The following INTS6 variants were observed in gnomAD, a reference collection of about 807,000 sequenced individuals.
The protein encoded by INTS6 is integrator complex subunit 6, also known as DEAD box protein.
A neutral mutation model predicts 104.9 loss-of-function variants in INTS6; 16 were observed. The ratio of observed to expected loss-of-function variants is 0.15; its 90% confidence interval spans 0.10 to 0.23. INTS6 has a LOEUF of 0.23. Among genes scored for constraint, INTS6 ranks in the 10% least tolerant of loss-of-function variants. The pLI, the probability that INTS6 is intolerant of heterozygous loss-of-function variation, is 1.00. For synonymous variants in INTS6, 324 were observed against 358.7 expected, an observed-to-expected ratio of 0.90 and a Z score of 1.09; for missense variants, 584 against 1,062.8, an observed-to-expected ratio of 0.55 and a Z score of 6.26.
intron 4 of INTS6, among the ~76,000 whole-genome samples, chr13:51,410,795 A>G (rs1270818864): frequency 3.9e-5 from 6 of 152,230 alleles, no homozygotes; most frequent in African/African-American, 1.2e-4. Flanking sequence ...CTAATAAAGA[A>G]CTTGTATCCT....
rs781616724 is a variant in INTS6 at position 51,364,222 on chromosome 13, C to A, written c.*1530G>T. ...TGAAAATACTATATAATATTAAATT[C>A]TTCTTTTTCTTGACAGGGTTTGTCT... On this transcript the variant is annotated 3_prime_UTR_variant, in exon 18 of 18. Coordinates refer to ENST00000311234, the MANE Select transcript of INTS6 (RefSeq NM_012141.3). 4 of 1,349,042 alleles carry A rather than the reference C, an allele frequency of 3.0e-6. No homozygotes were observed. Among genetic ancestry groups the A allele is most frequent in the Non-Finnish European group, 4.0e-6 (4 of 993,502 alleles). The allele number at this position is 1,349,042 out of a possible 1,614,324, so 83.6% of individuals were successfully genotyped here.
rs1340603109 is a variant in INTS6 at position 51,387,413 on chromosome 13, A to G, written c.867T>C (p.Phe289=). Reference sequence around the variant, plus strand: ...GTGTTGGCGAATTTTGATCTGGCCAAAAAGACTCTGGAACAGGCCAATGAC... The same window carrying G: ...GTGTTGGCGAATTTTGATCTGGCCAGAAAGACTCTGGAACAGGCCAATGAC... ...PIGHWPVPES[F]WPDQNSPTLP... The change falls in exon 7 of 18, where the codon TTT becomes TTC. Residue 289 remains phenylalanine, a synonymous_variant. Transcript: ENST00000311234. The G allele has an allele frequency of 1.9e-6, 3 of 1,612,644 alleles. No homozygotes were observed. Among genetic ancestry groups the G allele is most frequent in the Admixed American group, 1.7e-5 (1 of 59,936 alleles).
At chr13:51,416,310 C>CA (rs1956785593) in intron 4 of INTS6, among the ~76,000 whole-genome samples, 2 of 152,184 alleles carry the variant, frequency 1.3e-5, no homozygotes, top group Non-Finnish European at 1.5e-5. Context: ...ACCAGGAAGT[C>CA]AGAGTTGTAC....
chr13:51,346,306 C>T, the INTS6 span, among the ~76,000 whole-genome samples: 3 of 152,124 alleles, frequency 2.0e-5, no homozygotes, highest in Non-Finnish European at 4.4e-5. Flanking sequence ...AGATTCAGCT[C>T]AGCAGCGGGG....
chr13:51,349,757 G>C (rs931359727), downstream of INTS6, among the ~76,000 whole-genome samples: 2 of 152,170 alleles, frequency 1.3e-5, no homozygotes, highest in African/African-American at 2.4e-5. Context: ...AGGCAGGGAA[G>C]GCAAGGCAAG....
downstream of INTS6, among the ~76,000 whole-genome samples, chr13:51,352,419 A>G (rs1955413719): frequency 2.0e-5 from 3 of 151,270 alleles, no homozygotes; most frequent in African/African-American, 7.3e-5. Flanking sequence ...TGATTTTTGT[A>G]TCTTAATCTT....
At chr13:51,389,469 A>G in intron 5 of INTS6, 25 bp from the exon 6 acceptor site, 1 of 1,577,412 alleles carries the variant, frequency 6.3e-7, no homozygotes, top group Non-Finnish European at 8.6e-7. Flanking sequence ...AAGAAGAAGA[A>G]GAAGAAGAAG....
At chr13:51,435,774 T>C (rs1459712740) in intron 3 of INTS6, among the ~76,000 whole-genome samples, 1 of 152,094 alleles carries the variant, frequency 6.6e-6, no homozygotes, top group Admixed American at 6.5e-5. Flanking sequence ...AATCTTCTGA[T>C]GTGCTAATCA....
rs774471026 is a variant in INTS6 at position 51,361,998 on chromosome 13, C to T, written c.*3754G>A. On this transcript the variant is annotated 3_prime_UTR_variant, in exon 18 of 18. Transcript: ENST00000311234. ...CCTCAAAAATAAGCATTCTTTCTAG[C>T]TGTTTTTATGGTGCTTCAGAAGCTA... is the stretch of plus-strand genomic sequence containing the variant. The T allele has an allele frequency of 8.7e-6, 14 of 1,609,952 alleles. No individual in the cohort carries two copies. The highest frequency in any genetic ancestry group is 1.2e-5 in the Non-Finnish European group (14 of 1,177,804).
intron 3 of INTS6, chr13:51,436,971 G>A (rs945872194): frequency 6.6e-6 from 1 of 152,052 alleles, no homozygotes; most frequent in Non-Finnish European, 1.5e-5. Flanking sequence ...GATGGACTGG[G>A]GCCAGGCACG....
the INTS6 span, chr13:51,347,327 C>T: frequency 1.5e-5 from 17 of 1,099,892 alleles, no homozygotes; most frequent in Admixed American, 4.1e-5. Flanking sequence ...CCTAAGGGAT[C>T]GGGATGTGTT....
chr13:51,361,322 A>T (rs758190016), downstream of INTS6: 3 of 1,610,494 alleles, frequency 1.9e-6, no homozygotes, highest in South Asian at 3.3e-5. Flanking sequence ...CAAGGCCAAG[A>T]TTGAAGTTTT....
chr13:51,452,069 G>C lies in INTS6; in HGVS notation c.112-14C>G, dbSNP rs377209822. ...CCGGGCACGGAGCTGCGGGACGGGA[G>C]GAGGAACAGGGCGGGCGACAGGGAA... is the stretch of plus-strand genomic sequence containing the variant. On this transcript the variant is annotated splice_polypyrimidine_tract_variant and intron_variant, in intron 1 of 17. Transcript: ENST00000311234. This position sits in a 1 kb window ranked among gnomAD's most constrained non-coding sequence, Gnocchi z 4.2. The C allele has an allele frequency of 6.2e-7, 1 of 1,608,222 alleles. No homozygotes were observed. The highest frequency in any genetic ancestry group is 8.5e-7 in the Non-Finnish European group (1 of 1,177,110).
At chr13:51,358,309 C>A (rs1955512217), downstream of INTS6, among the ~76,000 whole-genome samples, 2 of 152,090 alleles carry the variant, frequency 1.3e-5, no homozygotes, top group African/African-American at 4.8e-5. Flanking sequence ...AAAGAAACAG[C>A]AAATGATATG....
intron 3 of INTS6, chr13:51,450,445 C>A (rs1468055956): frequency 4.1e-6 from 4 of 985,178 alleles, no homozygotes; most frequent in Non-Finnish European, 4.8e-6. Context: ...GAGTTTAAAT[C>A]AAAACTCTGG....
At chr13:51,397,518 T>C (rs1477314196) in intron 4 of INTS6, among the ~76,000 whole-genome samples, 2 of 152,144 alleles carry the variant, frequency 1.3e-5, no homozygotes, top group African/African-American at 4.8e-5. Flanking sequence ...ACAGGCTCTG[T>C]GACAATTGTA....
intron 15 of INTS6, among the ~76,000 whole-genome samples, chr13:51,373,540 C>T (rs540904907): frequency 5.9e-5 from 9 of 152,312 alleles, no homozygotes; most frequent in African/African-American, 2.2e-4. Flanking sequence ...TCAGTTCTCA[C>T]CTTACCTCAT....
downstream of INTS6, among the ~76,000 whole-genome samples, chr13:51,350,122 T>G (rs1372817250): frequency 2.0e-5 from 3 of 152,128 alleles, no homozygotes; most frequent in Non-Finnish European, 2.9e-5. Context: ...GCAGGCATTT[T>G]TCGTTTAACA....
intron 4 of INTS6, among the ~76,000 whole-genome samples, chr13:51,407,555 G>A (rs1167885365): frequency 1.3e-5 from 2 of 152,182 alleles, no homozygotes; most frequent in African/African-American, 4.8e-5. Flanking sequence ...AAAATCCAGG[G>A]ACTGATACCA....
Sources: gnomAD v4.1 joint callset for allele counts (sites outside exome capture counted in the v4.1 genomes callset) on GRCh38, gnomAD v4.1.1 for gene constraint, Gnocchi (gnomAD v3.1) non-coding constraint, MANE v1.5 for transcripts, NCBI Gene and HGNC (gene_info 2026-07-23, HGNC 2026-07-21) for gene names.